Variants in MYPN observed in about 807,000 individuals in gnomAD.
MYPN encodes the protein sarcomeric protein myopalladin, 145 kDa (MYOP).
In MYPN, 63 loss-of-function variants were observed where a neutral mutation model predicts 129.4. The observed-to-expected ratio is 0.49, with a 90% CI of 0.40 to 0.60. MYPN has a LOEUF of 0.60. MYPN is among the 20% of genes least tolerant of loss of function. The probability of loss-of-function intolerance (pLI) is 0.00; values close to 1 mark genes in which losing one functional copy is unlikely to be tolerated. For synonymous variants in MYPN, 629 were observed against 600.9 expected, an observed-to-expected ratio of 1.05 and a Z score of -0.68; for missense variants, 1,596 against 1,635.4, an observed-to-expected ratio of 0.98 and a Z score of 0.42.
chr10:68,199,075 C>T (rs1469859763), intron 16 of MYPN, among the ~76,000 whole-genome samples: 3 of 151,952 alleles, frequency 2.0e-5, no homozygotes, highest in African/African-American at 7.3e-5. Flanking sequence ...ATTGATGCTG[C>T]AGGCCTATTA....
chr10:68,171,787 G>A (rs973904522), intron 10 of MYPN, among the ~76,000 whole-genome samples: 16 of 152,184 alleles, frequency 1.1e-4, no homozygotes, highest in African/African-American at 3.9e-4. Flanking sequence ...GGGTGAGAAA[G>A]CCCTGATTTT....
intron 6 of MYPN, among the ~76,000 whole-genome samples, chr10:68,150,451 G>A (rs182692020): frequency 8.5e-4 from 129 of 152,216 alleles, no homozygotes; most frequent in Non-Finnish European, 4.7e-4. Flanking sequence ...AAATTCAATT[G>A]CAGGTACCTG....
At chr10:68,179,634 A>G (rs1338325684) in intron 12 of MYPN, among the ~76,000 whole-genome samples, 3 of 152,210 alleles carry the variant, frequency 2.0e-5, no homozygotes, top group Non-Finnish European at 2.9e-5. Flanking sequence ...TAACAATCCA[A>G]CTTAATTAGC....
chr10:68,172,815 G>A (rs530392365), intron 10 of MYPN, among the ~76,000 whole-genome samples: 2 of 152,162 alleles, frequency 1.3e-5, no homozygotes, highest in South Asian at 2.1e-4. Flanking sequence ...GCTCGCGCCT[G>A]TAATCCCACC....
Position 68,206,730 on chromosome 10 carries a change from C to A in MYPN, c.3660-40C>A. On this transcript the variant is annotated intron_variant, in intron 18 of 19. Coordinates refer to ENST00000358913, the MANE Select transcript of MYPN (RefSeq NM_032578.4). ...CTAAATTTGACAAAGGCATTTCTGCCCCCCGATAAAATATAGGTATATTCT... is the reference window on the plus strand; with the variant it reads ...CTAAATTTGACAAAGGCATTTCTGCACCCCGATAAAATATAGGTATATTCT... 3 of 1,613,772 alleles carry A rather than the reference C, an allele frequency of 1.9e-6. No individual in the cohort carries two copies. The South Asian group carries it at 3.3e-5, about 18-fold the overall frequency.
chr10:68,135,103 T>C (rs1327782877), intron 2 of MYPN, among the ~76,000 whole-genome samples: 5 of 151,824 alleles, frequency 3.3e-5, no homozygotes, highest in African/African-American at 9.7e-5. Flanking sequence ...AGGCACGCGC[T>C]ACCATGCCTG....
upstream of MYPN, chr10:68,106,530 T>TA (rs765517778): frequency 1.6e-6 from 1 of 641,878 alleles, no homozygotes; most frequent in South Asian, 1.7e-5. Flanking sequence ...TTTTCAAAAA[T>TA]ACGGCATAGA....
chr10:68,118,323 T>C (rs963739856), intron 1 of MYPN, among the ~76,000 whole-genome samples: 3 of 152,220 alleles, frequency 2.0e-5, no homozygotes, highest in Non-Finnish European at 4.4e-5. Context: ...TTGATGTTAT[T>C]AATCCTTACT....
chr10:68,207,039 C>T (rs963753397), intron 19 of MYPN, 136 bp downstream of exon 19: 1 of 1,092,752 alleles, frequency 9.2e-7, no homozygotes, highest in African/African-American at 1.6e-5. Flanking sequence ...AGGCAGATCA[C>T]CTGAGGTCAG....
At chr10:68,196,849 G>T (rs541863409) in intron 15 of MYPN, among the ~76,000 whole-genome samples, 1 of 151,908 alleles carries the variant, frequency 6.6e-6, no homozygotes, top group East Asian at 1.9e-4. Context: ...AGCTGTTACC[G>T]TTGGTCAGTC....
upstream of MYPN, among the ~76,000 whole-genome samples, chr10:68,107,521 T>G (rs1387817416): frequency 1.4e-5 from 2 of 147,888 alleles, no homozygotes; most frequent in East Asian, 3.9e-4. Context: ...TTTTTTTTTT[T>G]TGTATTTTTA....
At chr10:68,152,092 TA>T (rs1387179482) in intron 6 of MYPN, among the ~76,000 whole-genome samples, 3 of 152,196 alleles carry the variant, frequency 2.0e-5, no homozygotes, top group Non-Finnish European at 4.4e-5. Context: ...CAGATTCAAA[TA>T]TTTTTTTGAT....
At chr10:68,166,793 C>G (rs565753457) in intron 10 of MYPN, 127 bp downstream of exon 10, 1 of 1,324,138 alleles carries the variant, frequency 7.6e-7, no homozygotes, top group African/African-American at 1.5e-5. Context: ...CTTTGGGAGG[C>G]TGAGGCAGGA....
intron 1 of MYPN, among the ~76,000 whole-genome samples, chr10:68,112,109 G>A (rs748200757): frequency 6.6e-6 from 1 of 152,184 alleles, no homozygotes; most frequent in Non-Finnish European, 1.5e-5. Context: ...TATGAATGGT[G>A]AGATCTTGAG....
At chr10:68,136,372 T>C in intron 2 of MYPN, 1 of 862,648 alleles carries the variant, frequency 1.2e-6, no homozygotes, top group Non-Finnish European at 1.5e-6. Flanking sequence ...TCTGTAAGTG[T>C]CATGAGGATT....
rs185593942 is a variant in MYPN at position 68,148,216 on chromosome 10, C to T, written c.1131-137C>T. The T allele has an allele frequency of 3.3e-4, 248 of 749,304 alleles. 1 individual carries two copies. Among genetic ancestry groups the T allele is most frequent in the African/African-American group, 3.2e-3 (181 of 56,540 alleles). The allele number at this position is 749,304 out of a possible 1,614,324, so 46.4% of individuals were successfully genotyped here. A position where few individuals can be genotyped will look rare whatever the true frequency, so the allele number is the denominator to read the frequency against. ...GTGTAGCAAAAATGCCCTTGGTCAA[C>T]GTTTGTAAAATATCATCAAACCAAG... On this transcript the variant is annotated intron_variant, in intron 4 of 19. Coordinates refer to ENST00000358913, the MANE Select transcript of MYPN (RefSeq NM_032578.4).
chr10:68,187,306 CAA>C (rs55727861), intron 12 of MYPN, among the ~76,000 whole-genome samples: 12 of 135,590 alleles, frequency 8.9e-5, no homozygotes, highest in Middle Eastern at 3.9e-3. Flanking sequence ...GACTCCATCT[CAA>C]AAAAAAAAAA....
chr10:68,152,478 C>A (rs184047923), intron 6 of MYPN, among the ~76,000 whole-genome samples: 42 of 152,128 alleles, frequency 2.8e-4, no homozygotes, highest in African/African-American at 9.6e-4. Context: ...ACCTCTGGCA[C>A]GTTTATCATG....
At chr10:68,136,282 C>A (rs1462630834) in intron 2 of MYPN, 41 of 988,646 alleles carry the variant, frequency 4.1e-5, no homozygotes, top group Non-Finnish European at 4.8e-5. Flanking sequence ...TTTTCTTTAA[C>A]CATCTGGACC....
Sources: allele counts gnomAD v4.1 joint callset (sites outside exome capture counted in the v4.1 genomes callset), GRCh38; gene constraint gnomAD v4.1.1; transcripts MANE v1.5; gene names NCBI Gene and HGNC (gene_info 2026-07-23, HGNC 2026-07-21).